Variants in TDRP observed in about 807,000 individuals in gnomAD.
TDRP encodes testis development-related protein.
In TDRP, 12 loss-of-function variants were observed where a neutral mutation model predicts 10.5. The ratio of observed to expected loss-of-function variants is 1.15; its 90% CI spans 0.73 to 1.86. TDRP has a LOEUF of 1.86. Ranked by LOEUF, TDRP falls within the 40% of genes most tolerant of loss-of-function variation. TDRP has a pLI of 0.00. For synonymous variants in TDRP, 139 were observed against 95.4 expected (o/e 1.46, Z -2.67); for missense variants, 353 against 229.2 (o/e 1.54, Z -3.49).
intron 1 of TDRP, among the ~76,000 whole-genome samples, chr8:503,317 T>A (rs4735851): frequency 6.8e-6 from 1 of 146,958 alleles, no homozygotes; most frequent in African/African-American, 2.5e-5. Flanking sequence ...GAATGCAGAG[T>A]CACACACTGG....
chr8:494,910 C>G, intron 1 of TDRP: 1 of 218,322 alleles, frequency 4.6e-6, no homozygotes, highest in South Asian at 7.9e-5. Flanking sequence ...AAGCTTCCCT[C>G]ACAAATAAGA....
intron 1 of TDRP, among the ~76,000 whole-genome samples, chr8:527,992 T>C (rs935345359): frequency 6.6e-6 from 1 of 151,912 alleles, no homozygotes; most frequent in African/African-American, 2.4e-5. Context: ...TGGGAAAAAA[T>C]ATCTGCAAAC....
chr8:507,990 C>G (rs890182931), intron 1 of TDRP, among the ~76,000 whole-genome samples: 3 of 152,250 alleles, frequency 2.0e-5, no homozygotes, highest in African/African-American at 7.2e-5. Flanking sequence ...AAAAGGAAGA[C>G]CCATACATCA....
At chr8:495,358 T>C (rs73175011) in intron 1 of TDRP, among the ~76,000 whole-genome samples, 1 of 152,168 alleles carries the variant, frequency 6.6e-6, no homozygotes, top group Admixed American at 6.5e-5. Flanking sequence ...GCCACTACCT[T>C]TAAGCGTCAG....
Position 532,975 on chromosome 8 carries a change from G to A in TDRP, c.108+11675C>T, listed in dbSNP as rs1443177038. Among the ~76,000 whole-genome samples the A allele has an allele frequency of 2.0e-5, 3 of 152,128 alleles. No individual in the cohort carries two copies. In the East Asian group the frequency reaches 5.8e-4, roughly 29 times the overall value. ...TTACAGTAAAAGTTTGCTGACTCCT[G>A]CTCTAGAGCCCTTACTTAAAACAGG... is the stretch of plus-strand genomic sequence containing the variant. On this transcript the variant is annotated intron_variant, in intron 1 of 2. Transcript: ENST00000324079.
At chr8:494,714 C>G (rs1801080516) in intron 1 of TDRP, 117 bp from the exon 2 acceptor site, 7 of 847,916 alleles carry the variant, frequency 8.3e-6, no homozygotes, top group Middle Eastern at 2.9e-4. Flanking sequence ...GAGCTTACAT[C>G]TTAGCTTTCC....
At chr8:496,181 T>C (rs1801128408) in intron 1 of TDRP, among the ~76,000 whole-genome samples, 1 of 152,146 alleles carries the variant, frequency 6.6e-6, no homozygotes, top group African/African-American at 2.4e-5. Flanking sequence ...GCTTTCCACA[T>C]CACACACTGC....
chr8:501,250 C>G (rs1158973010), intron 1 of TDRP, among the ~76,000 whole-genome samples: 1 of 152,122 alleles, frequency 6.6e-6, no homozygotes, highest in Non-Finnish European at 1.5e-5. Flanking sequence ...ATGCTCGGGT[C>G]AGCTCACTGC....
Position 492,322 on chromosome 8 carries a change from G to A in TDRP, c.*77C>T, listed in dbSNP as rs546107151. ...AAGTAGACTCTCTATTCTTTCTAAC[G>A]CGGAAAAGACTCAACAACTACATGG... On this transcript the variant is annotated 3_prime_UTR_variant, in exon 3 of 3. Transcript: ENST00000324079. 6.7e-5 allele frequency: 93 copies of A among 1,380,798 alleles called. 1 individual carries two copies. In the East Asian group the frequency reaches 1.1e-3, roughly 16 times the overall value. The allele number at this position is 1,380,798 out of a possible 1,614,324, so 85.5% of individuals were successfully genotyped here.
intron 1 of TDRP, among the ~76,000 whole-genome samples, chr8:501,017 T>A (rs373937050): frequency 6.6e-6 from 1 of 152,162 alleles, no homozygotes; most frequent in Non-Finnish European, 1.5e-5. Context: ...CCATCCTGGC[T>A]AACACGGTGA....
intron 1 of TDRP, among the ~76,000 whole-genome samples, chr8:510,708 A>G (rs1000495403): frequency 2.0e-5 from 3 of 152,254 alleles, no homozygotes; most frequent in Admixed American, 6.5e-5. Flanking sequence ...TCTTGTTAGC[A>G]AACCCACCTT....
chr8:492,404 C>G lies in TDRP; in HGVS notation c.553G>C (p.Glu185Gln). Residue 185 changes from glutamate (E) to glutamine (Q), a missense_variant, in exon 3 of 3, where the codon GAG (glutamate) becomes CAG (glutamine). Physicochemically the swap from Glu to Gln is conservative, Grantham distance 29. Transcript: ENST00000324079. ...GHLTDSPEEA[E>Q] is the part of the protein sequence containing the mutation. ...CACTTGCCACGCAGCCCCCCTCACT[C>G]CGCCTCCTCCGGGCTATCTGTCAGG... 6.5e-7 allele frequency: 1 copy of G among 1,529,982 alleles called. No homozygotes were observed. Among genetic ancestry groups the G allele is most frequent in the Non-Finnish European group, 8.8e-7 (1 of 1,136,222 alleles). 94.8% of individuals were successfully genotyped at this position (1,529,982 alleles called of 1,614,324 possible).
At chr8:503,765 G>A (rs946116472) in intron 1 of TDRP, among the ~76,000 whole-genome samples, 8 of 148,256 alleles carry the variant, frequency 5.4e-5, no homozygotes, top group Non-Finnish European at 1.2e-4. Flanking sequence ...GCATCAACAC[G>A]GAATCCAGAG....
chr8:496,053 C>T (rs1801123756), intron 1 of TDRP, among the ~76,000 whole-genome samples: 1 of 152,196 alleles, frequency 6.6e-6, no homozygotes, highest in African/African-American at 2.4e-5. Flanking sequence ...GTACCCACGC[C>T]AAAGAAACCA....
At chr8:500,953 T>A (rs983793609) in intron 1 of TDRP, among the ~76,000 whole-genome samples, 2 of 152,188 alleles carry the variant, frequency 1.3e-5, no homozygotes. Context: ...ACACCTGTAA[T>A]CCCAGCACTC....
At chr8:529,502 C>A (rs1479894317) in intron 1 of TDRP, among the ~76,000 whole-genome samples, 3 of 152,122 alleles carry the variant, frequency 2.0e-5, no homozygotes, top group Non-Finnish European at 4.4e-5. Flanking sequence ...ATTTAGCATC[C>A]TTTCACTTCA....
intron 1 of TDRP, 74 bp downstream of exon 1, chr8:544,576 G>T: frequency 1.9e-6 from 2 of 1,055,748 alleles, no homozygotes; most frequent in Non-Finnish European, 1.2e-6. Context: ...ACCTCCACCT[G>T]CGCGCCGCCC....
chr8:499,765 G>T (rs1023443698), intron 1 of TDRP, among the ~76,000 whole-genome samples: 1 of 152,236 alleles, frequency 6.6e-6, no homozygotes, highest in Non-Finnish European at 1.5e-5. Context: ...GGAAGGACAG[G>T]AGGGAAAGTC....
intron 1 of TDRP, among the ~76,000 whole-genome samples, chr8:499,154 G>C (rs187010662): frequency 2.0e-5 from 3 of 152,240 alleles, no homozygotes; most frequent in African/African-American, 7.2e-5. Context: ...TTATTACCTA[G>C]TGTTTCCATT....
Sources: allele counts gnomAD v4.1 joint callset (sites outside exome capture counted in the v4.1 genomes callset), GRCh38; gene constraint gnomAD v4.1.1; transcripts MANE v1.5; gene names NCBI Gene and HGNC (gene_info 2026-07-23, HGNC 2026-07-21).